PRKDC: variants seen among roughly 807,000 people sequenced by gnomAD.
PRKDC encodes DNA-dependent protein kinase catalytic subunit.
A neutral mutation model predicts 486.9 loss-of-function variants in PRKDC; 82 were observed. The ratio of observed to expected loss-of-function variants is 0.17; its 90% CI spans 0.14 to 0.20. The LOEUF (loss-of-function observed/expected upper bound fraction) is 0.20. Among genes scored for constraint, PRKDC ranks in the 10% least tolerant of loss-of-function variants. PRKDC has a pLI of 1.00. For synonymous variants in PRKDC, 1,895 were observed against 1,837.0 expected (o/e 1.03, Z -0.81); for missense variants, 4,504 against 5,038.2 (o/e 0.89, Z 3.21).
chr8:47,825,987 A>C (rs2087730503), intron 63 of PRKDC, among the ~76,000 whole-genome samples: 1 of 152,258 alleles, frequency 6.6e-6, no homozygotes, highest in South Asian at 2.1e-4. Flanking sequence ...CTCAGTGCTC[A>C]ATCAGGACAG....
intron 59 of PRKDC, among the ~76,000 whole-genome samples, chr8:47,832,216 C>CTGAACTAGAG (rs1413028338): frequency 6.6e-6 from 1 of 152,236 alleles, no homozygotes; most frequent in African/African-American, 2.4e-5. Context: ...CTCTGGCTAA[C>CTGAACTAGAG]TGAACTAGAG....
At chr8:47,827,358 G>C (rs1324700009) in intron 62 of PRKDC, among the ~76,000 whole-genome samples, 1 of 151,914 alleles carries the variant, frequency 6.6e-6, no homozygotes, top group Non-Finnish European at 1.5e-5. Flanking sequence ...CTTCAGAAAA[G>C]GTCACTAGAT....
At chr8:47,871,755 C>G (rs545705615) in intron 40 of PRKDC, among the ~76,000 whole-genome samples, 1 of 152,232 alleles carries the variant, frequency 6.6e-6, no homozygotes, top group South Asian at 2.1e-4. Flanking sequence ...CCCGCCACCA[C>G]GCCTGGCTTA....
chr8:47,792,669 C>G (rs1001739844), intron 74 of PRKDC, among the ~76,000 whole-genome samples: 12 of 151,998 alleles, frequency 7.9e-5, no homozygotes, highest in African/African-American at 2.4e-4. Context: ...CTCCACTTAC[C>G]CTGATGTGAT....
chr8:47,941,092 T>G (rs1589808424), intron 10 of PRKDC, among the ~76,000 whole-genome samples: 1 of 145,926 alleles, frequency 6.9e-6, no homozygotes, highest in East Asian at 2.0e-4. Context: ...CTTGCGCTAC[T>G]GCACTCCAGC....
intron 68 of PRKDC, among the ~76,000 whole-genome samples, chr8:47,807,636 T>C (rs2087243972): frequency 6.6e-6 from 1 of 151,522 alleles, no homozygotes; most frequent in Non-Finnish European, 1.5e-5. Flanking sequence ...GCCAGGATGG[T>C]CTCGATCTCC....
intron 68 of PRKDC, 120 bp downstream of exon 68, chr8:47,817,330 A>C: frequency 2.9e-6 from 2 of 686,528 alleles, no homozygotes; most frequent in South Asian, 4.1e-5. Flanking sequence ...AACAGGAAGG[A>C]TGGAAAACAG....
chr8:47,881,650 C>A, intron 37 of PRKDC, 130 bp from the exon 38 acceptor site: 1 of 637,620 alleles, frequency 1.6e-6, no homozygotes, highest in Non-Finnish European at 2.6e-6. Context: ...AATATTTTCA[C>A]AATCTTATTG....
rs932338272 is a variant in PRKDC at position 47,839,999 on chromosome 8, G to C, written c.7454+17C>G. ...CTCAAAAAAGTAACAAAATAAAATA[G>C]TCAATGTATAGCTTACCTGTAATTA... On this transcript the variant is annotated intron_variant, in intron 55 of 85. Coordinates refer to ENST00000314191, the MANE Select transcript of PRKDC (RefSeq NM_006904.7). The C allele has an allele frequency of 4.0e-6, 6 of 1,505,104 alleles. No homozygotes were observed. Among genetic ancestry groups the C allele is most frequent in the South Asian group, 1.3e-5 (1 of 79,584 alleles). The allele number at this position is 1,505,104 out of a possible 1,614,324, so 93.2% of individuals were successfully genotyped here.
intron 54 of PRKDC, among the ~76,000 whole-genome samples, chr8:47,846,545 T>A (rs115927838): frequency 1.3e-5 from 2 of 152,076 alleles, no homozygotes; most frequent in African/African-American, 2.4e-5. Flanking sequence ...ACAGCCTACA[T>A]GATACTGAAT....
At chr8:47,804,613 C>T (rs2087181131) in intron 69 of PRKDC, among the ~76,000 whole-genome samples, 1 of 151,916 alleles carries the variant, frequency 6.6e-6, no homozygotes, top group Non-Finnish European at 1.5e-5. Context: ...CATGCCACAT[C>T]TTATTTGGGT....
At chr8:47,889,865 G>C (rs183542825) in intron 32 of PRKDC, among the ~76,000 whole-genome samples, 76 of 152,242 alleles carry the variant, frequency 5.0e-4, no homozygotes, top group Non-Finnish European at 1.2e-4. Flanking sequence ...TAAGAAAATA[G>C]ATTGAAAAGT....
At chr8:47,829,902 T>C (rs1220855964) in intron 61 of PRKDC, among the ~76,000 whole-genome samples, 1 of 152,176 alleles carries the variant, frequency 6.6e-6, no homozygotes, top group East Asian at 1.9e-4. Context: ...ACCAACATCA[T>C]TTATCACAGA....
At chr8:47,792,254 A>ATTTTTTTTTTTTTTT (rs757370500) in intron 74 of PRKDC, among the ~76,000 whole-genome samples, 1 of 139,464 alleles carries the variant, frequency 7.2e-6, no homozygotes. Context: ...CCACAGTAAA[A>ATTTTTTTTTTTTTTT]TTTTTTTTTT....
At chr8:47,912,780 T>C (rs2089926325) in intron 24 of PRKDC, among the ~76,000 whole-genome samples, 1 of 152,228 alleles carries the variant, frequency 6.6e-6, no homozygotes, top group Non-Finnish European at 1.5e-5. Flanking sequence ...AGAATTAAAA[T>C]GTAAAAGCTT....
At chr8:47,917,103 A>C (rs1563802335) in intron 22 of PRKDC, among the ~76,000 whole-genome samples, 1 of 152,052 alleles carries the variant, frequency 6.6e-6, no homozygotes, top group Non-Finnish European at 1.5e-5. Flanking sequence ...AAAAATACAA[A>C]AATTAGCTGG....
chr8:47,777,564 C>A, intron 84 of PRKDC, 122 bp downstream of exon 84: 2 of 1,130,084 alleles, frequency 1.8e-6, no homozygotes, highest in East Asian at 2.4e-5. Context: ...AAATGCTGTA[C>A]AAAATAATGT....
At chr8:47,924,028 C>T (rs1479545901) in intron 21 of PRKDC, among the ~76,000 whole-genome samples, 4 of 152,184 alleles carry the variant, frequency 2.6e-5, no homozygotes, top group African/African-American at 9.6e-5. Flanking sequence ...ACTCATTTTA[C>T]TTATTTATAT....
At chr8:47,882,701 CAG>C (rs563314107) in intron 36 of PRKDC, among the ~76,000 whole-genome samples, 7 of 152,250 alleles carry the variant, frequency 4.6e-5, no homozygotes, top group Non-Finnish European at 8.8e-5. Context: ...ACTCCTGCAA[CAG>C]AGTGACAGGC....
Sources: allele counts gnomAD v4.1 joint callset (sites outside exome capture counted in the v4.1 genomes callset), GRCh38; gene constraint gnomAD v4.1.1; transcripts MANE v1.5; gene names NCBI Gene and HGNC (gene_info 2026-07-23, HGNC 2026-07-21).